Variants in HDAC8 observed in about 807,000 individuals in gnomAD.
The protein encoded by HDAC8 is histone deacetylase-like 1.
In HDAC8, 1 loss-of-function variant was observed where a neutral mutation model predicts 32.2. The observed-to-expected ratio is 0.03, with a 90% CI of 0.01 to 0.15. HDAC8 has a LOEUF of 0.15. HDAC8 is among the 10% of genes least tolerant of loss of function. The pLI is 1.00. For synonymous variants in HDAC8, 108 were observed against 113.9 expected, an observed-to-expected ratio of 0.95 and a Z score of 0.33; for missense variants, 117 against 300.0, an observed-to-expected ratio of 0.39 and a Z score of 4.51.
intron 9 of HDAC8, among the ~76,000 whole-genome samples, chrX:72,445,540 G>T (rs1555984322): frequency 8.9e-6 from 1 of 111,923 alleles, no homozygotes; most frequent in Non-Finnish European, 1.9e-5. Context: ...ATTCAAGATG[G>T]ATTAAAGACT....
chrX:72,369,355 T>C (rs150710050), intron 9 of HDAC8, among the ~76,000 whole-genome samples: 1,176 of 111,397 alleles, frequency 0.011, 11 homozygotes, highest in African/African-American at 0.036. Context: ...CATTTCACAT[T>C]CCCTATCATA....
intron 9 of HDAC8, among the ~76,000 whole-genome samples, chrX:72,356,591 T>G (rs191717407): frequency 0.12 from 13,336 of 109,057 alleles, 1,039 homozygotes; most frequent in African/African-American, 0.29. Context: ...TTTTTTTTTT[T>G]GGGGATGGAG....
At chrX:72,425,651 T>C (rs1351981395) in intron 9 of HDAC8, among the ~76,000 whole-genome samples, 2 of 112,040 alleles carry the variant, frequency 1.8e-5, no homozygotes, top group Non-Finnish European at 3.8e-5. Context: ...CTAATAAGTG[T>C]CAGATCATTT....
At chrX:72,407,325 G>A (rs782804487) in intron 9 of HDAC8, among the ~76,000 whole-genome samples, 4 of 112,200 alleles carry the variant, frequency 3.6e-5, no homozygotes, top group Admixed American at 9.4e-5. Flanking sequence ...TGTTTGCAGC[G>A]GGGAGGAGCC....
chrX:72,493,735 C>T (rs988889896), intron 5 of HDAC8, among the ~76,000 whole-genome samples: 2 of 111,493 alleles, frequency 1.8e-5, no homozygotes, highest in Non-Finnish European at 3.8e-5. Flanking sequence ...CTTGGTCTGT[C>T]GCCCAAGCTG....
At chrX:72,470,794 G>C (rs1303783345) in intron 7 of HDAC8, among the ~76,000 whole-genome samples, 1 of 111,647 alleles carries the variant, frequency 9.0e-6, no homozygotes, top group Non-Finnish European at 1.9e-5. Flanking sequence ...TCTGCAGCTG[G>C]TTATCAGGGG....
At chrX:72,440,151 C>T (rs1394322770) in intron 9 of HDAC8, among the ~76,000 whole-genome samples, 1 of 111,992 alleles carries the variant, frequency 8.9e-6, no homozygotes, top group African/African-American at 3.2e-5. Flanking sequence ...AATCAAATTA[C>T]AACTCAGGAT....
chrX:72,564,160 CA>C (rs1261150332), intron 4 of HDAC8, among the ~76,000 whole-genome samples: 3 of 110,830 alleles, frequency 2.7e-5, no homozygotes, highest in Non-Finnish European at 3.8e-5. Context: ...GATTCTGTCT[CA>C]AAAAAAAGAG....
intron 9 of HDAC8, among the ~76,000 whole-genome samples, chrX:72,422,887 CCCTGGAACCATGGT>C (rs1243558923): frequency 3.6e-5 from 4 of 111,015 alleles, no homozygotes; most frequent in Non-Finnish European, 5.7e-5. Context: ...GCTGTGTTCC[CCCTGGAACCATGGT>C]CCAGGGTCCC....
intron 9 of HDAC8, among the ~76,000 whole-genome samples, chrX:72,441,535 T>G (rs1425324639): frequency 9.0e-6 from 1 of 111,426 alleles, no homozygotes; most frequent in Non-Finnish European, 1.9e-5. Flanking sequence ...AAACCCATCT[T>G]TACATCACCA....
intron 4 of HDAC8, among the ~76,000 whole-genome samples, chrX:72,548,511 A>G: frequency 9.0e-6 from 1 of 111,389 alleles, no homozygotes; most frequent in Middle Eastern, 4.6e-3. Flanking sequence ...TTTATTTTAT[A>G]TTGCCCTACT....
At chrX:72,529,362 T>C (rs1422488677) in intron 4 of HDAC8, among the ~76,000 whole-genome samples, 1 of 111,524 alleles carries the variant, frequency 9.0e-6, no homozygotes, top group African/African-American at 3.3e-5. Context: ...AGAGGGAGAT[T>C]TGACATGGAA....
At chrX:72,420,072 AT>A (rs782586191) in intron 9 of HDAC8, among the ~76,000 whole-genome samples, 1 of 110,610 alleles carries the variant, frequency 9.0e-6, no homozygotes, top group African/African-American at 3.3e-5. Context: ...TTTTCTTGTG[AT>A]TTTTTTTCTG....
At chrX:72,379,592 G>T (rs1344579429) in intron 9 of HDAC8, among the ~76,000 whole-genome samples, 2 of 104,630 alleles carry the variant, frequency 1.9e-5, no homozygotes, top group Non-Finnish European at 3.9e-5. Context: ...CCACTTTCTG[G>T]GTTCAAGTGA....
At chrX:72,370,475 G>A (rs782384882) in intron 9 of HDAC8, among the ~76,000 whole-genome samples, 5 of 111,622 alleles carry the variant, frequency 4.5e-5, no homozygotes, top group Admixed American at 1.9e-4. Flanking sequence ...ATTCTCCTGC[G>A]TCAGCCTCCT....
chrX:72,352,072 C>G (rs374238064), intron 9 of HDAC8, among the ~76,000 whole-genome samples: 1 of 111,992 alleles, frequency 8.9e-6, no homozygotes, highest in Admixed American at 9.4e-5. Context: ...CCAACGGTCT[C>G]TCTGCTTAGG....
chrX:72,336,841 T>A (rs1365312377), intron 10 of HDAC8, among the ~76,000 whole-genome samples: 1 of 111,161 alleles, frequency 9.0e-6, no homozygotes. Flanking sequence ...TCTTGACTTC[T>A]TGGGCTCAAG....
intron 9 of HDAC8, among the ~76,000 whole-genome samples, chrX:72,453,484 G>GAAAGAA (rs2047635034): frequency 2.0e-5 from 2 of 102,309 alleles, no homozygotes; most frequent in Admixed American, 1.1e-4. Context: ...AAGAAAGAAA[G>GAAAGAA]AAAGAAAGAA....
chrX:72,424,983 A>G (rs2046595462), intron 9 of HDAC8, among the ~76,000 whole-genome samples: 1 of 111,953 alleles, frequency 8.9e-6, no homozygotes, highest in South Asian at 3.7e-4. Context: ...GGTTGTTTAC[A>G]CCTTTTGACT....
Sources: allele counts gnomAD v4.1 joint callset (sites outside exome capture counted in the v4.1 genomes callset), GRCh38; gene constraint gnomAD v4.1.1; transcripts MANE v1.5; gene names NCBI Gene and HGNC (gene_info 2026-07-23, HGNC 2026-07-21).